Variants in LRRC8B observed in about 807,000 individuals in gnomAD.
LRRC8B encodes volume-regulated anion channel subunit LRRC8B.
In LRRC8B, 23 loss-of-function variants were observed where a neutral mutation model predicts 58.8. The ratio of observed to expected loss-of-function variants is 0.39; its 90% confidence interval spans 0.28 to 0.55. The LOEUF (loss-of-function observed/expected upper bound fraction) is 0.55, where lower values mean the gene tolerates loss of function less well. LRRC8B is among the 20% of genes least tolerant of loss of function. LRRC8B has a pLI of 0.62. For missense variants in LRRC8B, 694 were observed against 936.0 expected, an observed-to-expected ratio of 0.74 and a Z score of 3.37; for synonymous variants, 359 against 374.1, an observed-to-expected ratio of 0.96 and a Z score of 0.47.
chr1:89,596,435 G>C lies in LRRC8B; in HGVS notation c.*3392G>C, dbSNP rs544236244. 1 of 152,250 alleles carries C rather than the reference G, an allele frequency of 6.6e-6. No individual in the cohort carries two copies. The highest frequency in any genetic ancestry group is 2.1e-4 in the South Asian group (1 of 4,832). The allele number at this position is 152,250 out of a possible 1,614,324, so 9.4% of individuals were successfully genotyped here. On this transcript the variant is annotated 3_prime_UTR_variant, in exon 6 of 6. Coordinates refer to ENST00000330947, the MANE Select transcript of LRRC8B (RefSeq NM_001369817.2). ...AATAGGTGTGCTGTGGTGCACTGCA[G>C]TGATGTATTTGCATAACATTGTTTG...
chr1:89,554,517 C>T (rs1233654276), intron 1 of LRRC8B, among the ~76,000 whole-genome samples: 5 of 152,172 alleles, frequency 3.3e-5, no homozygotes, highest in African/African-American at 1.2e-4. Flanking sequence ...TGACACCTTT[C>T]GATTGCCTTC....
intron 3 of LRRC8B, among the ~76,000 whole-genome samples, chr1:89,576,608 C>G (rs372724236): frequency 1.3e-5 from 2 of 152,118 alleles, no homozygotes; most frequent in Admixed American, 6.6e-5. Context: ...GACCTACTTC[C>G]TACCTTACAA....
At chr1:89,534,041 T>C (rs974880964) in intron 1 of LRRC8B, among the ~76,000 whole-genome samples, 14 of 152,218 alleles carry the variant, frequency 9.2e-5, no homozygotes, top group Admixed American at 8.5e-4. Context: ...GCTTTTGTAC[T>C]TCAATGAAAT....
chr1:89,537,144 G>C (rs1355704908), intron 1 of LRRC8B, among the ~76,000 whole-genome samples: 1 of 152,142 alleles, frequency 6.6e-6, no homozygotes, highest in Non-Finnish European at 1.5e-5. Flanking sequence ...ATTGAAATGT[G>C]TAAGTAACAC....
rs777048424 is a variant in LRRC8B at position 89,593,061 on chromosome 1, C to T, written c.*18C>T. 8.1e-6 allele frequency: 13 copies of T among 1,602,852 alleles called. No homozygotes were observed. The highest frequency in any genetic ancestry group is 6.8e-5 in the Admixed American group (4 of 58,964). On this transcript the variant is annotated 3_prime_UTR_variant, in exon 6 of 6. Coordinates refer to ENST00000330947, the MANE Select transcript of LRRC8B (RefSeq NM_001369817.2). ...AATGTTGACTTAAAGAAAAGAGACC[C>T]GTGTTTCAAAATCATTTTTAAAAGT...
intron 1 of LRRC8B, among the ~76,000 whole-genome samples, chr1:89,566,969 A>G (rs1653086106): frequency 6.6e-6 from 1 of 152,308 alleles, no homozygotes; most frequent in Admixed American, 6.5e-5. Flanking sequence ...CTTGGAATTG[A>G]CTTTTTAAGT....
rs1651784719 is a variant in LRRC8B at position 89,551,237 on chromosome 1, T to C, written c.-240-17010T>C. Among the ~76,000 whole-genome samples, 3 of 152,216 alleles carry C rather than the reference T, an allele frequency of 2.0e-5. No individual in the cohort carries two copies. In the South Asian group the frequency reaches 6.2e-4, roughly 32 times the overall value. On this transcript the variant is annotated intron_variant, in intron 1 of 5. Coordinates refer to ENST00000330947, the MANE Select transcript of LRRC8B (RefSeq NM_001369817.2). ...TTCTCCATTCCCTGAGCTATACCTG[T>C]TCATCTTACAAGAGGAAGCTTTGGA...
At chr1:89,529,471 A>G (rs560011944) in intron 1 of LRRC8B, among the ~76,000 whole-genome samples, 116 of 146,174 alleles carry the variant, frequency 7.9e-4, no homozygotes, top group African/African-American at 2.8e-3. Flanking sequence ...CTCAGTATGC[A>G]ACCATAGTCT....
chr1:89,563,136 C>A (rs1002061985), intron 1 of LRRC8B, among the ~76,000 whole-genome samples: 2 of 151,774 alleles, frequency 1.3e-5, no homozygotes, highest in African/African-American at 2.4e-5. Flanking sequence ...GAACAGTTTT[C>A]CTGTTTTACA....
chr1:89,580,001 G>A (rs1480004523), intron 4 of LRRC8B, among the ~76,000 whole-genome samples: 1 of 152,200 alleles, frequency 6.6e-6, no homozygotes, highest in Non-Finnish European at 1.5e-5. Context: ...TCAGGACATA[G>A]AGCTGAACTG....
rs1649861235 is a variant in LRRC8B at position 89,528,403 on chromosome 1, T to C, written c.-241+3381T>C. Among the ~76,000 whole-genome samples, 3 of 152,252 alleles carry C rather than the reference T, an allele frequency of 2.0e-5. No individual in the cohort carries two copies. In the South Asian group the frequency reaches 6.2e-4, roughly 31 times the overall value. ...TATTCAAACTTTCCTTATTTTCTTC[T>C]GTCAAATTCCTTTTCAGCATTTTGA... On this transcript the variant is annotated intron_variant, in intron 1 of 5. Coordinates refer to ENST00000330947, the MANE Select transcript of LRRC8B (RefSeq NM_001369817.2).
At chr1:89,529,148 T>C (rs1216763638) in intron 1 of LRRC8B, among the ~76,000 whole-genome samples, 1 of 152,256 alleles carries the variant, frequency 6.6e-6, no homozygotes, top group Non-Finnish European at 1.5e-5. Context: ...TGTTATACAT[T>C]AACATATCTA....
At chr1:89,562,693 A>C (rs1015595267) in intron 1 of LRRC8B, among the ~76,000 whole-genome samples, 1 of 152,006 alleles carries the variant, frequency 6.6e-6, no homozygotes, top group Admixed American at 6.6e-5. Context: ...CTAGTCTCAA[A>C]CTCCTGGGCT....
chr1:89,595,014 G>A lies in LRRC8B; in HGVS notation c.*1971G>A, dbSNP rs1165489755. 1.3e-5 allele frequency: 2 copies of A among 152,104 alleles called. No homozygotes were observed. The highest frequency in any genetic ancestry group is 4.8e-5 in the African/African-American group (2 of 41,388). The allele number at this position is 152,104 out of a possible 1,614,324, so 9.4% of individuals were successfully genotyped here. ...TTCCCCTCACCTGCCACACACTCCTGCACTAAAGTTCAAAGAAAAGAATTA... is the reference window on the plus strand; with the variant it reads ...TTCCCCTCACCTGCCACACACTCCTACACTAAAGTTCAAAGAAAAGAATTA... On this transcript the variant is annotated 3_prime_UTR_variant, in exon 6 of 6. Transcript: ENST00000330947.
In LRRC8B at chr1:89,542,607, A is replaced by G. The variant is rs140766131; in HGVS notation, c.-241+17585A>G. ...TTTTTCTCAGAGATCTCTTTGAAGAATATTCATATTGATGCTCGTTTTACT... is the reference window on the plus strand; with the variant it reads ...TTTTTCTCAGAGATCTCTTTGAAGAGTATTCATATTGATGCTCGTTTTACT... On this transcript the variant is annotated intron_variant, in intron 1 of 5. Transcript: ENST00000330947. Among the ~76,000 whole-genome samples, 18 of 152,350 alleles carry G rather than the reference A, an allele frequency of 1.2e-4. No homozygotes were observed. In the East Asian group the frequency reaches 3.5e-3, roughly 29 times the overall value.
At chr1:89,558,459 T>G (rs1443580941) in intron 1 of LRRC8B, among the ~76,000 whole-genome samples, 1 of 151,906 alleles carries the variant, frequency 6.6e-6, no homozygotes, top group African/African-American at 2.4e-5. Context: ...CTGACTGCAG[T>G]ATGGAAATGG....
At chr1:89,552,645 A>AT (rs1651907640) in intron 1 of LRRC8B, among the ~76,000 whole-genome samples, 1 of 152,174 alleles carries the variant, frequency 6.6e-6, no homozygotes, top group Non-Finnish European at 1.5e-5. Context: ...CAAAAGATAC[A>AT]TTTTTCTCCA....
intron 1 of LRRC8B, among the ~76,000 whole-genome samples, chr1:89,554,350 T>C (rs1652028198): frequency 6.6e-6 from 1 of 152,206 alleles, no homozygotes; most frequent in South Asian, 2.1e-4. Flanking sequence ...CTTACGCATC[T>C]TTCTTGGTCC....
intron 1 of LRRC8B, among the ~76,000 whole-genome samples, chr1:89,554,230 T>G (rs967591913): frequency 1.3e-5 from 2 of 152,138 alleles, no homozygotes; most frequent in African/African-American, 4.8e-5. Flanking sequence ...ACCTTGGCTT[T>G]CTTTTGCCTT....
Sources: allele counts gnomAD v4.1 joint callset (sites outside exome capture counted in the v4.1 genomes callset), GRCh38; gene constraint gnomAD v4.1.1; transcripts MANE v1.5; gene names NCBI Gene and HGNC (gene_info 2026-07-23, HGNC 2026-07-21).